The following NOX3 variants were observed in gnomAD, a reference collection of about 807,000 sequenced individuals.
NOX3 encodes NADPH oxidase catalytic subunit-like 3.
In NOX3, 74 loss-of-function variants were observed where a neutral mutation model predicts 76.7. The ratio of observed to expected loss-of-function variants is 0.96; its 90% CI spans 0.80 to 1.17. The LOEUF is 1.17. Among genes scored for constraint, NOX3 ranks in the 50% most tolerant of loss-of-function variants. The pLI is 0.00. For missense variants in NOX3, 695 were observed against 703.3 expected, an observed-to-expected ratio of 0.99 and a Z score of 0.13; for synonymous variants, 263 against 261.1, an observed-to-expected ratio of 1.01 and a Z score of -0.07.
intron 10 of NOX3, among the ~76,000 whole-genome samples, chr6:155,415,212 C>T (rs1411803466): frequency 6.6e-6 from 1 of 152,122 alleles, no homozygotes; most frequent in Non-Finnish European, 1.5e-5. Context: ...GGGACCAGGT[C>T]AAAGAGGTCT....
intron 5 of NOX3, among the ~76,000 whole-genome samples, chr6:155,442,196 G>A (rs1301743735): frequency 3.9e-5 from 6 of 152,174 alleles, no homozygotes; most frequent in Admixed American, 6.5e-5. Context: ...TCCGGGAGGC[G>A]GAGCTTGCAG....
chr6:155,444,866 C>T (rs555020193), intron 4 of NOX3, among the ~76,000 whole-genome samples: 1 of 152,110 alleles, frequency 6.6e-6, no homozygotes, highest in South Asian at 2.1e-4. Flanking sequence ...GTATATATAC[C>T]CCTGCACATA....
At chr6:155,416,311 C>T (rs966583363) in intron 10 of NOX3, among the ~76,000 whole-genome samples, 3 of 152,200 alleles carry the variant, frequency 2.0e-5, no homozygotes, top group African/African-American at 7.2e-5. Context: ...AGGAGAATTT[C>T]TCTCTGTGAA....
intron 5 of NOX3, among the ~76,000 whole-genome samples, chr6:155,443,025 T>TGG (rs1777014148): frequency 6.6e-6 from 1 of 152,222 alleles, no homozygotes. Flanking sequence ...ACTGCGTTTC[T>TGG]AGTGTGTGTG....
At chr6:155,403,517 T>C (rs965079677) in intron 12 of NOX3, among the ~76,000 whole-genome samples, 21 of 152,320 alleles carry the variant, frequency 1.4e-4, no homozygotes, top group Admixed American at 2.6e-4. Context: ...ATTCCAAACC[T>C]TGGGGGCCTC....
At position 155,453,505 on chromosome 6, in the gene NOX3, AT is replaced by A. The variant is rs752067370; in HGVS notation, c.256-18del. On this transcript the variant is annotated intron_variant, in intron 3 of 13. Coordinates refer to ENST00000159060, the MANE Select transcript of NOX3 (RefSeq NM_015718.3). The stretch of plus-strand genomic sequence containing the variant: ...TCTGCAGCACTAGAGTAACAAAAAA[AT>A]ATGCCTGATTTATGGAAAAATTGCA... 21 of 1,581,942 alleles carry A rather than the reference AT, an allele frequency of 1.3e-5. 1 individual carries two copies. The highest frequency in any genetic ancestry group is 1.7e-4 in the Middle Eastern group (1 of 5,994).
chr6:155,440,141 A>C lies in NOX3; in HGVS notation c.487-4T>G. The C allele has an allele frequency of 6.4e-7, 1 of 1,550,614 alleles. No individual in the cohort carries two copies. The highest frequency in any genetic ancestry group is 8.7e-7 in the Non-Finnish European group (1 of 1,151,462). On this transcript the variant is annotated splice_region_variant and splice_polypyrimidine_tract_variant and intron_variant, in intron 5 of 13. Coordinates refer to ENST00000159060, the MANE Select transcript of NOX3 (RefSeq NM_015718.3). ...TTAGCAATTCAGTGGTTGTGTTCTA[A>C]AAAAAACAACAACAACAAAAAAAGA...
chr6:155,436,122 G>A (rs1331232960), intron 7 of NOX3, among the ~76,000 whole-genome samples: 1 of 152,134 alleles, frequency 6.6e-6, no homozygotes, highest in Non-Finnish European at 1.5e-5. Context: ...AAAGAAGGGT[G>A]GTGAGGCCCA....
rs142252691 is a variant in NOX3, at chr6:155,442,141, A to G, written c.486+1132T>C. Reference sequence around the variant, plus strand: ...TAGCTGGGCGTGGTGGCGGGTGCCTATAGTCCCAGCTACTCAGGAGGCTGA... The same window carrying G: ...TAGCTGGGCGTGGTGGCGGGTGCCTGTAGTCCCAGCTACTCAGGAGGCTGA... On this transcript the variant is annotated intron_variant, in intron 5 of 13. Coordinates refer to ENST00000159060, the MANE Select transcript of NOX3 (RefSeq NM_015718.3). Among the ~76,000 whole-genome samples, 1,193 of 152,152 alleles carry G rather than the reference A, an allele frequency of 7.8e-3. 10 individuals carry two copies. The highest frequency in any genetic ancestry group is 0.024 in the African/African-American group (987 of 41,514).
intron 9 of NOX3, among the ~76,000 whole-genome samples, chr6:155,425,887 T>G (rs578195428): frequency 6.6e-6 from 1 of 152,304 alleles, no homozygotes; most frequent in East Asian, 1.9e-4. Flanking sequence ...GAGCTCACAT[T>G]CTCTCCCTTT....
At chr6:155,443,911 A>G (rs1463104654) in intron 4 of NOX3, among the ~76,000 whole-genome samples, 1 of 152,116 alleles carries the variant, frequency 6.6e-6, no homozygotes, top group East Asian at 1.9e-4. Flanking sequence ...TTTAAAGTGT[A>G]TAGTTATCAT....
At chr6:155,449,962 C>T (rs1404252109) in intron 4 of NOX3, among the ~76,000 whole-genome samples, 1 of 152,186 alleles carries the variant, frequency 6.6e-6, no homozygotes, top group Non-Finnish European at 1.5e-5. Context: ...CTCCCAAAAG[C>T]GCAGTTGCCA....
intron 12 of NOX3, among the ~76,000 whole-genome samples, chr6:155,406,538 A>AG (rs1776463525): frequency 6.6e-6 from 1 of 152,340 alleles, no homozygotes; most frequent in African/African-American, 2.4e-5. Context: ...CTCCATACAA[A>AG]GCACCGTTTT....
chr6:155,443,362 C>T lies in NOX3; in HGVS notation c.397G>A (p.Glu133Lys), dbSNP rs768939263. 35 of 1,614,018 alleles carry T rather than the reference C, an allele frequency of 2.2e-5. No individual in the cohort carries two copies. The South Asian group carries it at 2.4e-4, about 11-fold the overall frequency. ...GCGGCCAGAAGTCCCTGGGCCTCCT[C>T]GGACTGGCTCCAGTGGTAGCGTTCC... ...NLERYHWSQS[E>K]EAQGLLAALS... Residue 133 changes from glutamate (E) to lysine (K), a missense_variant, in exon 5 of 14, where the codon GAG becomes AAG. Coordinates refer to ENST00000159060, the MANE Select transcript of NOX3 (RefSeq NM_015718.3).
intron 12 of NOX3, among the ~76,000 whole-genome samples, chr6:155,397,220 T>C (rs1348546205): frequency 6.6e-6 from 1 of 152,040 alleles, no homozygotes; most frequent in Non-Finnish European, 1.5e-5. Context: ...CATGAAACTG[T>C]TGAGGGGTTT....
Position 155,454,849 on chromosome 6 carries a change from T to A in NOX3, c.217A>T (p.Ser73Cys). ...CTTATGAATGAAATAAGGTTTCGAC[T>A]GACAGGTATTAGAATTAGCATGCAG... ...FNCMLILIPV[S>C]RNLISFIRGT... Residue 73 changes from serine (S) to cysteine (C), a missense_variant, in exon 3 of 14, where the codon AGT becomes TGT. Coordinates refer to ENST00000159060, the MANE Select transcript of NOX3 (RefSeq NM_015718.3). The A allele has an allele frequency of 6.2e-7, 1 of 1,605,354 alleles. No individual in the cohort carries two copies.
intron 12 of NOX3, among the ~76,000 whole-genome samples, chr6:155,403,311 C>T (rs1298185253): frequency 1.4e-4 from 21 of 152,116 alleles, no homozygotes; most frequent in South Asian, 2.1e-4. Context: ...AGCTTTTGAC[C>T]GAAGGCTTGT....
intron 8 of NOX3, among the ~76,000 whole-genome samples, chr6:155,429,297 C>A (rs1409673462): frequency 6.6e-6 from 1 of 152,154 alleles, no homozygotes; most frequent in Non-Finnish European, 1.5e-5. Context: ...CAATTGGTGC[C>A]CAGCATGTGA....
intron 6 of NOX3, among the ~76,000 whole-genome samples, chr6:155,438,393 G>T (rs937031143): frequency 6.6e-6 from 1 of 152,220 alleles, no homozygotes; most frequent in Non-Finnish European, 1.5e-5. Context: ...AGGCAGCAGA[G>T]TACGGGTGAA....
Sources: gnomAD v4.1 joint callset for allele counts (sites outside exome capture counted in the v4.1 genomes callset) on GRCh38, gnomAD v4.1.1 for gene constraint, MANE v1.5 for transcripts, NCBI Gene and HGNC (gene_info 2026-07-23, HGNC 2026-07-21) for gene names.